GPRC5C: variants seen among roughly 807,000 people sequenced by gnomAD.
GPRC5C encodes G protein-coupled receptor class C group 5 member C.
GPRC5C carries 22 observed loss-of-function variants against 31.4 expected under a neutral mutation model. That is an observed-to-expected ratio of 0.70 (90% CI 0.50 to 1.00). GPRC5C has a LOEUF of 1.00. GPRC5C is among the 50% of genes least tolerant of loss of function. The pLI, the probability that GPRC5C is intolerant of heterozygous loss-of-function variation, is 0.00. For missense variants in GPRC5C, 557 were observed against 597.2 expected (o/e 0.93, Z 0.70); for synonymous variants, 249 against 257.5 (o/e 0.97, Z 0.32).
chr17:74,446,749 G>GA, intron 3 of GPRC5C, 100 bp from the exon 4 acceptor site: 3 of 919,068 alleles, frequency 3.3e-6, no homozygotes, highest in Non-Finnish European at 5.1e-6. Context: ...AGTTGGGGGG[G>GA]ATCTGGCAGT....
intron 2 of GPRC5C, among the ~76,000 whole-genome samples, chr17:74,442,042 A>T (rs2055550472): frequency 1.3e-5 from 2 of 152,162 alleles, no homozygotes; most frequent in South Asian, 4.1e-4. Flanking sequence ...TCGCTCTGTC[A>T]CCCAGGCTGG....
intron 3 of GPRC5C, 37 bp downstream of exon 3, chr17:74,443,949 G>T (rs764614847): frequency 2.1e-6 from 3 of 1,396,954 alleles, no homozygotes; most frequent in Non-Finnish European, 3.0e-6. Context: ...ACACGTCTGG[G>T]CTACAGAGAC....
intron 1 of GPRC5C, among the ~76,000 whole-genome samples, chr17:74,433,461 A>C (rs886901170): frequency 2.0e-5 from 3 of 151,986 alleles, no homozygotes; most frequent in African/African-American, 7.2e-5. Context: ...ACCCCCCACC[A>C]ACCTACACAC....
chr17:74,446,657 A>C, intron 3 of GPRC5C, 192 bp from the exon 4 acceptor site: 1 of 570,538 alleles, frequency 1.8e-6, no homozygotes. Context: ...GCCCAGAGGC[A>C]GGGTGAGATA....
chr17:74,447,299 G>T lies in GPRC5C; in HGVS notation c.*271G>T, dbSNP rs563641159. The T allele has an allele frequency of 2.4e-5, 29 of 1,210,844 alleles. No homozygotes were observed. Among genetic ancestry groups the T allele is most frequent in the Non-Finnish European group, 2.9e-5 (28 of 969,714 alleles). The allele number at this position is 1,210,844 out of a possible 1,614,324, so 75.0% of individuals were successfully genotyped here. ...TCCAGCCAAATAGTGTTCTCGGGGT[G>T]GTGGCTGGGCAGCGCCTATGTTTCT... On this transcript the variant is annotated 3_prime_UTR_variant, in exon 4 of 4. Transcript: ENST00000392627.
At chr17:74,436,058 C>A (rs1423602500) in intron 1 of GPRC5C, among the ~76,000 whole-genome samples, 1 of 152,178 alleles carries the variant, frequency 6.6e-6, no homozygotes. Context: ...AAAGCGCAAC[C>A]CTGGCTATGC....
At chr17:74,432,430 C>T (rs960469958) in intron 1 of GPRC5C, 60 of 1,131,918 alleles carry the variant, frequency 5.3e-5, no homozygotes, top group Non-Finnish European at 6.5e-5. Flanking sequence ...CCCAGCGCCC[C>T]GCGCCGCGTC....
chr17:74,448,806 A>G (rs761665388), downstream of GPRC5C: 9 of 1,119,462 alleles, frequency 8.0e-6, no homozygotes, highest in South Asian at 9.0e-5. Flanking sequence ...GAGTAGTTCT[A>G]CCGCCCCCTT....
chr17:74,435,638 G>C (rs1328632934), intron 1 of GPRC5C, among the ~76,000 whole-genome samples: 2 of 152,186 alleles, frequency 1.3e-5, no homozygotes, highest in African/African-American at 4.8e-5. Flanking sequence ...AGGTGCAGAA[G>C]GAAGTTGCTG....
intron 1 of GPRC5C, chr17:74,432,499 G>T: frequency 2.9e-6 from 3 of 1,023,330 alleles, no homozygotes; most frequent in Non-Finnish European, 3.5e-6. Flanking sequence ...CGCTGCGCTG[G>T]AGCGGGGCCG....
downstream of GPRC5C, among the ~76,000 whole-genome samples, chr17:74,449,175 T>A (rs186580936): frequency 2.7e-5 from 4 of 150,252 alleles, no homozygotes; most frequent in Admixed American, 6.6e-5. Flanking sequence ...GGAGAGAAAG[T>A]TTGCTGGGAA....
At chr17:74,448,842 G>C, downstream of GPRC5C, 4 of 1,288,930 alleles carry the variant, frequency 3.1e-6, no homozygotes, top group Non-Finnish European at 4.0e-6. Flanking sequence ...CTGACCCAGA[G>C]AGGCCAGGCC....
At chr17:74,448,992 A>C, downstream of GPRC5C, 1 of 942,292 alleles carries the variant, frequency 1.1e-6, no homozygotes, top group South Asian at 1.4e-5. Flanking sequence ...CGCTGGCTCA[A>C]GACTTTGCCA....
rs1053125100 is a variant in GPRC5C at position 74,439,965 on chromosome 17, C to A, written c.189C>A (p.Thr63=). The change falls in exon 2 of 4, where the codon ACC becomes ACA. Residue 63 remains threonine (T), a synonymous_variant. Transcript: ENST00000392627. ...LEAVAGAGIV[T]TFVLTIILVA... ...CCGTGGCTGGGGCGGGCATTGTCAC[C>A]ACGTTTGTGCTCACCATCATCCTGG... 1 of 1,610,378 alleles carries A rather than the reference C, an allele frequency of 6.2e-7. No individual in the cohort carries two copies. Among genetic ancestry groups the A allele is most frequent in the East Asian group, 2.2e-5 (1 of 44,882 alleles).
rs757684804 is a variant in GPRC5C at position 74,440,769 on chromosome 17, G to C, written c.993G>C (p.Gln331His). The C allele has an allele frequency of 7.3e-5, 114 of 1,570,742 alleles. No individual in the cohort carries two copies. Among genetic ancestry groups the C allele is most frequent in the Non-Finnish European group, 9.8e-5 (113 of 1,152,052 alleles). Residue 331 changes from glutamine to histidine, a missense_variant, in exon 2 of 4, where the codon CAG becomes CAC. Physicochemically the swap from Gln to His is conservative, Grantham distance 24. Coordinates refer to ENST00000392627, the MANE Select transcript of GPRC5C (RefSeq NM_022036.4). The surrounding 1 kb of genome is among the most constrained non-coding windows in gnomAD (Gnocchi z 4.4). ...GCTATGAGACCATCCTGAAAGAGCAGAAGGGTCAGAGCATGTTCGTGGAGA... is the reference window on the plus strand; with the variant it reads ...GCTATGAGACCATCCTGAAAGAGCACAAGGGTCAGAGCATGTTCGTGGAGA... ...GVGYETILKEQKGQSMFVENK... is the reference protein window; with the variant it reads ...GVGYETILKEHKGQSMFVENK...
chr17:74,444,474 G>T (rs1158782370), intron 3 of GPRC5C, among the ~76,000 whole-genome samples: 1 of 152,164 alleles, frequency 6.6e-6, no homozygotes, highest in Non-Finnish European at 1.5e-5. Context: ...AAGACGGTGG[G>T]TTGGATTCTA....
intron 3 of GPRC5C, among the ~76,000 whole-genome samples, 199 bp downstream of exon 3, chr17:74,444,111 C>A (rs2055588333): frequency 6.6e-6 from 1 of 152,182 alleles, no homozygotes; most frequent in South Asian, 2.1e-4. Context: ...TCAGTGTACC[C>A]ACCACCTTCA....
chr17:74,433,984 G>A (rs2055394212), intron 1 of GPRC5C, among the ~76,000 whole-genome samples: 1 of 152,146 alleles, frequency 6.6e-6, no homozygotes, highest in Non-Finnish European at 1.5e-5. Flanking sequence ...GGGCCTCTGG[G>A]CCTCTGAGCC....
At chr17:74,449,293 A>G (rs764464660), downstream of GPRC5C, 20 of 1,208,990 alleles carry the variant, frequency 1.7e-5, no homozygotes, top group South Asian at 2.1e-4. Flanking sequence ...GGCCCCACGC[A>G]GTAGAGTCCC....
Sources: gnomAD v4.1 joint callset for allele counts (sites outside exome capture counted in the v4.1 genomes callset) on GRCh38, gnomAD v4.1.1 for gene constraint, Gnocchi (gnomAD v3.1) non-coding constraint, MANE v1.5 for transcripts, NCBI Gene and HGNC (gene_info 2026-07-23, HGNC 2026-07-21) for gene names.